Variants in CRMP1 observed in about 807,000 individuals in gnomAD.
CRMP1 encodes dihydropyrimidinase-related protein 1.
Under a neutral mutation model 68.3 loss-of-function variants are expected in CRMP1, and 19 were observed. The ratio of observed to expected loss-of-function variants is 0.28; its 90% CI spans 0.19 to 0.41. CRMP1 has a LOEUF of 0.41. Ranked by LOEUF, CRMP1 falls within the 10% of genes least tolerant of loss-of-function variation. The pLI, the probability that CRMP1 is intolerant of heterozygous loss-of-function variation, is 1.00. For missense variants in CRMP1, 791 were observed against 967.4 expected (o/e 0.82, Z 2.42); for synonymous variants, 439 against 399.6 (o/e 1.10, Z -1.18).
intron 11 of CRMP1, among the ~76,000 whole-genome samples, chr4:5,829,955 C>T (rs1173494394): frequency 2.0e-5 from 3 of 152,174 alleles, no homozygotes; most frequent in Admixed American, 6.5e-5. Context: ...AAAGACAACA[C>T]TAGTTTCCAT....
intron 6 of CRMP1, among the ~76,000 whole-genome samples, chr4:5,848,184 G>A (rs1267533442): frequency 6.8e-6 from 1 of 147,158 alleles, no homozygotes; most frequent in Non-Finnish European, 1.5e-5. Flanking sequence ...TCACTCTGTT[G>A]CCCAGGCTGG....
Position 5,865,546 on chromosome 4 carries a change from G to A in CRMP1, c.470+1122C>T, listed in dbSNP as rs1469343211. Among the ~76,000 whole-genome samples, 2 of 151,514 alleles carry A rather than the reference G, an allele frequency of 1.3e-5. No individual in the cohort carries two copies. Among genetic ancestry groups the A allele is most frequent in the South Asian group, 2.1e-4 (1 of 4,770 alleles). On this transcript the variant is annotated intron_variant, in intron 2 of 13. Transcript: ENST00000324989. The surrounding 1 kb of genome is among the most constrained non-coding windows in gnomAD (Gnocchi z 4.1). ...TGAGGCAGGGGAGTCGATTGAACCC[G>A]GGAAGTGGAGGTTGCAGTGAGCCGA...
chr4:5,859,155 T>C lies in CRMP1; in HGVS notation c.655+1871A>G, dbSNP rs1713357562. ...ACAACGAGCATCATTCCTGCTTTTG[T>C]TCACCTGGTACAGTGCCTGGTGCGG... is the stretch of plus-strand genomic sequence containing the variant. On this transcript the variant is annotated intron_variant, in intron 3 of 13. Coordinates refer to ENST00000324989, the MANE Select transcript of CRMP1 (RefSeq NM_001014809.3). This position sits in a 1 kb window ranked among gnomAD's most constrained non-coding sequence, Gnocchi z 5.2. Among the ~76,000 whole-genome samples the C allele has an allele frequency of 1.3e-5, 2 of 152,220 alleles. No individual in the cohort carries two copies. The highest frequency in any genetic ancestry group is 2.9e-5 in the Non-Finnish European group (2 of 68,032).
chr4:5,887,833 C>A (rs935538274), intron 1 of CRMP1: 4 of 999,232 alleles, frequency 4.0e-6, no homozygotes, highest in East Asian at 1.0e-4. Flanking sequence ...GGTGCGGGGG[C>A]CGAGCCAAGG....
chr4:5,857,714 G>T (rs1199047000), intron 3 of CRMP1, among the ~76,000 whole-genome samples: 1 of 152,136 alleles, frequency 6.6e-6, no homozygotes, highest in Non-Finnish European at 1.5e-5. Flanking sequence ...AGCAGAAGAA[G>T]GAAGGTTATC....
At chr4:5,827,381 G>C (rs151164922) in intron 12 of CRMP1, among the ~76,000 whole-genome samples, 4 of 152,142 alleles carry the variant, frequency 2.6e-5, no homozygotes, top group Non-Finnish European at 5.9e-5. Context: ...TCCCCATCCA[G>C]TGCAAAGCAT....
chr4:5,870,509 G>T lies in CRMP1; in HGVS notation c.382-3753C>A, dbSNP rs1345639793. On this transcript the variant is annotated intron_variant, in intron 1 of 13. Coordinates refer to ENST00000324989, the MANE Select transcript of CRMP1 (RefSeq NM_001014809.3). This position sits in a 1 kb window ranked among gnomAD's most constrained non-coding sequence, Gnocchi z 6.0. ...AGACCGTGAGCTCCACGGAGGCAACGGACTTTGTCCGTTTTCTTCACTGCT... is the reference window on the plus strand; with the variant it reads ...AGACCGTGAGCTCCACGGAGGCAACTGACTTTGTCCGTTTTCTTCACTGCT... Among the ~76,000 whole-genome samples, 2 of 152,202 alleles carry T rather than the reference G, an allele frequency of 1.3e-5. No homozygotes were observed. Among genetic ancestry groups the T allele is most frequent in the Non-Finnish European group, 1.5e-5 (1 of 68,036 alleles).
rs887387375 is a variant in CRMP1, at chr4:5,879,253, C to A, written c.382-12497G>T. Among the ~76,000 whole-genome samples, 9 of 152,238 alleles carry A rather than the reference C, an allele frequency of 5.9e-5. No homozygotes were observed. The highest frequency in any genetic ancestry group is 1.2e-4 in the Non-Finnish European group (8 of 68,046). ...TCACAACCTGTGCCTTCCTCTATGG[C>A]CTCCCTGCAGCATGCATCTCTGGCC... On this transcript the variant is annotated intron_variant, in intron 1 of 13. Transcript: ENST00000324989. The surrounding 1 kb of genome is among the most constrained non-coding windows in gnomAD (Gnocchi z 4.2).
intron 1 of CRMP1, among the ~76,000 whole-genome samples, chr4:5,885,066 T>C (rs1446353517): frequency 1.3e-5 from 2 of 151,998 alleles, no homozygotes; most frequent in East Asian, 3.9e-4. Context: ...TAAGTGTTTC[T>C]GCTTTTTTGC....
intron 11 of CRMP1, among the ~76,000 whole-genome samples, chr4:5,835,440 A>G (rs554301734): frequency 2.0e-5 from 3 of 152,166 alleles, no homozygotes; most frequent in Non-Finnish European, 4.4e-5. Flanking sequence ...GCCCATAACT[A>G]TGGGCATGGA....
intron 1 of CRMP1, among the ~76,000 whole-genome samples, chr4:5,876,548 G>T (rs780192365): frequency 3.0e-4 from 45 of 152,188 alleles, no homozygotes; most frequent in Non-Finnish European, 5.3e-4. Context: ...GCCTCAAAAA[G>T]ATCAAGGGAG....
chr4:5,824,564 G>A lies in CRMP1; in HGVS notation c.1969+930C>T, dbSNP rs1031530355. 14 of 976,734 alleles carry A rather than the reference G, an allele frequency of 1.4e-5. No homozygotes were observed. The Admixed American group carries it at 1.8e-4, about 13-fold the overall frequency. The allele number at this position is 976,734 out of a possible 1,614,324, so 60.5% of individuals were successfully genotyped here. On this transcript the variant is annotated intron_variant, in intron 13 of 13. Coordinates refer to ENST00000324989, the MANE Select transcript of CRMP1 (RefSeq NM_001014809.3). ...CTTTCCTGACCAGGAATTAGCAAAC[G>A]GGTCCATTGACCAAATCCGGCCCAC...
intron 11 of CRMP1, 141 bp from the exon 12 acceptor site, chr4:5,828,809 GTAA>G: frequency 9.5e-7 from 1 of 1,056,222 alleles, no homozygotes; most frequent in Non-Finnish European, 1.3e-6. Context: ...TTTATTGACT[GTAA>G]TATTCCACTG....
In CRMP1 at chr4:5,890,583, C is replaced by G. The variant is rs1490363094; in HGVS notation, c.381+2006G>C. On this transcript the variant is annotated intron_variant, in intron 1 of 13. Coordinates refer to ENST00000324989, the MANE Select transcript of CRMP1 (RefSeq NM_001014809.3). This position sits in a 1 kb window ranked among gnomAD's most constrained non-coding sequence, Gnocchi z 5.5. ...CGCGAGCCCCTGAGTTCCACAGTCG[C>G]GAAGCTCGAGTGCTTTCGGAGCCCC... Among the ~76,000 whole-genome samples, 1 of 151,930 alleles carries G rather than the reference C, an allele frequency of 6.6e-6. No individual in the cohort carries two copies. The highest frequency in any genetic ancestry group is 2.4e-5 in the African/African-American group (1 of 41,350).
chr4:5,827,719 A>G (rs922267666), intron 12 of CRMP1, among the ~76,000 whole-genome samples: 4 of 142,052 alleles, frequency 2.8e-5, no homozygotes, highest in Non-Finnish European at 5.9e-5. Flanking sequence ...ATAGACATAC[A>G]CACATGTGCG....
Position 5,856,325 on chromosome 4 carries a change from G to A in CRMP1, c.656-18C>T. 6.2e-7 allele frequency: 1 copy of A among 1,610,888 alleles called. No individual in the cohort carries two copies. The highest frequency in any genetic ancestry group is 8.5e-7 in the Non-Finnish European group (1 of 1,178,086). The stretch of plus-strand genomic sequence containing the variant: ...ATGGTCAACTGGGACAGAGAAATAT[G>A]CATCATGATGCTTCAGACTCAAGTG... On this transcript the variant is annotated intron_variant, in intron 3 of 13. Transcript: ENST00000324989.
At chr4:5,852,563 A>G (rs1481112608) in intron 4 of CRMP1, among the ~76,000 whole-genome samples, 2 of 152,216 alleles carry the variant, frequency 1.3e-5, no homozygotes, top group African/African-American at 4.8e-5. Context: ...AGCCTGCTGT[A>G]TGCTGGGCAT....
In CRMP1 at chr4:5,883,014, A is replaced by G. The variant is rs1340914238; in HGVS notation, c.381+9575T>C. ...AATCCCCCCATAGCCCCACCCATTC[A>G]CATGTATTTCCACTTCTGCGTCCTC... On this transcript the variant is annotated intron_variant, in intron 1 of 13. Coordinates refer to ENST00000324989, the MANE Select transcript of CRMP1 (RefSeq NM_001014809.3). The surrounding 1 kb of genome is among the most constrained non-coding windows in gnomAD (Gnocchi z 4.5). Among the ~76,000 whole-genome samples the G allele has an allele frequency of 6.6e-6, 1 of 151,906 alleles. No homozygotes were observed. Among genetic ancestry groups the G allele is most frequent in the Non-Finnish European group, 1.5e-5 (1 of 68,000 alleles).
chr4:5,848,648 A>G (rs1712402140), intron 6 of CRMP1, among the ~76,000 whole-genome samples: 1 of 152,248 alleles, frequency 6.6e-6, no homozygotes, highest in African/African-American at 2.4e-5. Context: ...TTCTGATGCT[A>G]TTACAGAATA....
Sources: allele counts gnomAD v4.1 joint callset (sites outside exome capture counted in the v4.1 genomes callset), GRCh38; gene constraint gnomAD v4.1.1; non-coding constraint Gnocchi (gnomAD v3.1); transcripts MANE v1.5; gene names NCBI Gene and HGNC (gene_info 2026-07-23, HGNC 2026-07-21).